The following NCKAP1 variants were observed in gnomAD, a reference collection of about 807,000 sequenced individuals.
NCKAP1 encodes nck-associated protein 1.
A neutral mutation model predicts 151.2 loss-of-function variants in NCKAP1; 21 were observed. The observed-to-expected ratio is 0.14, with a 90% CI of 0.10 to 0.20. The LOEUF is 0.20. Ranked by LOEUF, NCKAP1 falls within the 10% of genes least tolerant of loss-of-function variation. The pLI is 1.00. For missense variants in NCKAP1, 933 were observed against 1,352.1 expected (o/e 0.69, Z 4.86); for synonymous variants, 484 against 451.8 (o/e 1.07, Z -0.90).
intron 16 of NCKAP1, among the ~76,000 whole-genome samples, chr2:182,965,689 C>A (rs1697555939): frequency 6.6e-6 from 1 of 152,060 alleles, no homozygotes; most frequent in South Asian, 2.1e-4. Context: ...CTGAAAATTA[C>A]AAATTTCAAA....
intron 23 of NCKAP1, among the ~76,000 whole-genome samples, chr2:182,946,106 A>G (rs914719861): frequency 6.6e-6 from 1 of 152,282 alleles, no homozygotes; most frequent in South Asian, 2.1e-4. Flanking sequence ...GGAGCTAAAC[A>G]TCAAGTACAC....
intron 2 of NCKAP1, among the ~76,000 whole-genome samples, chr2:183,018,208 T>C (rs1182940004): frequency 1.3e-5 from 2 of 151,962 alleles, no homozygotes; most frequent in African/African-American, 2.4e-5. Flanking sequence ...GATTATGCCA[T>C]TGCACTCCAG....
intron 26 of NCKAP1, among the ~76,000 whole-genome samples, chr2:182,932,046 A>G (rs916298916): frequency 6.6e-6 from 1 of 152,188 alleles, no homozygotes; most frequent in Non-Finnish European, 1.5e-5. Flanking sequence ...GACACACCCA[A>G]TTTGAAAACA....
intron 23 of NCKAP1, chr2:182,947,248 A>T (rs1236464075): frequency 6.6e-6 from 1 of 152,182 alleles, no homozygotes; most frequent in Non-Finnish European, 1.5e-5. Flanking sequence ...TATAACATAA[A>T]CAGGGCTGCA....
chr2:183,034,964 G>T (rs186570339), intron 1 of NCKAP1, among the ~76,000 whole-genome samples: 10 of 152,238 alleles, frequency 6.6e-5, no homozygotes, highest in Non-Finnish European at 1.0e-4. Context: ...AGATTGGAAT[G>T]CAAGTCTCTT....
Position 182,910,045 on chromosome 2 carries a change from T to A in NCKAP1, c.*15657A>T, listed in dbSNP as rs1696362606. Reference sequence around the variant, plus strand: ...GACAGAAAGTTTTATTCTAAGGAGTTCAACCGCTGAGCCCTAGAGTTAAGG... The same window carrying A: ...GACAGAAAGTTTTATTCTAAGGAGTACAACCGCTGAGCCCTAGAGTTAAGG... On this transcript the variant is annotated 3_prime_UTR_variant, in exon 31 of 31. Transcript: ENST00000361354. 6.6e-6 allele frequency: 1 copy of A among 152,186 alleles called. No homozygotes were observed. Among genetic ancestry groups the A allele is most frequent in the Non-Finnish European group, 1.5e-5 (1 of 68,042 alleles). The allele number at this position is 152,186 out of a possible 1,614,324, so 9.4% of individuals were successfully genotyped here.
In NCKAP1 at chr2:182,959,744, C is replaced by T. The variant is rs539487038; in HGVS notation, c.1882-2148G>A. Among the ~76,000 whole-genome samples the T allele has an allele frequency of 3.9e-3, 596 of 152,236 alleles. 6 individuals carry two copies. Among genetic ancestry groups the T allele is most frequent in the Non-Finnish European group, 6.6e-3 (447 of 68,010 alleles). On this transcript the variant is annotated intron_variant, in intron 18 of 30. Coordinates refer to ENST00000361354, the MANE Select transcript of NCKAP1 (RefSeq NM_013436.5). ...TGTTGGAAGTTCTGGCCAGGGCAATCAGGCAGGAGAAGGAAATAAAGCGCA... is the reference window on the plus strand; with the variant it reads ...TGTTGGAAGTTCTGGCCAGGGCAATTAGGCAGGAGAAGGAAATAAAGCGCA...
chr2:183,007,027 C>T (rs1698484900), intron 2 of NCKAP1, among the ~76,000 whole-genome samples: 1 of 152,098 alleles, frequency 6.6e-6, no homozygotes, highest in Non-Finnish European at 1.5e-5. Flanking sequence ...AGGCACCATA[C>T]ATCCAGCTAA....
intron 1 of NCKAP1, among the ~76,000 whole-genome samples, chr2:183,025,335 A>C (rs977746013): frequency 1.3e-5 from 2 of 152,194 alleles, no homozygotes; most frequent in African/African-American, 4.8e-5. Context: ...CATCAGTGAA[A>C]TTTTACATAC....
chr2:182,970,644 A>G (rs1462898541), intron 15 of NCKAP1, among the ~76,000 whole-genome samples: 1 of 152,088 alleles, frequency 6.6e-6, no homozygotes, highest in Non-Finnish European at 1.5e-5. Flanking sequence ...TAGATGATGA[A>G]CCCGCAGCTA....
chr2:182,998,461 C>T (rs1186648747), intron 6 of NCKAP1, among the ~76,000 whole-genome samples: 2 of 152,078 alleles, frequency 1.3e-5, no homozygotes, highest in Non-Finnish European at 1.5e-5. Context: ...TTGGCAAAGT[C>T]TCAGGATACA....
intron 2 of NCKAP1, among the ~76,000 whole-genome samples, chr2:183,007,455 T>G (rs560129158): frequency 6.6e-6 from 1 of 152,286 alleles, no homozygotes; most frequent in South Asian, 2.1e-4. Flanking sequence ...TATTATGTAT[T>G]CTAAATCCTA....
chr2:182,983,031 T>C, intron 11 of NCKAP1, 104 bp from the exon 12 acceptor site: 1 of 853,792 alleles, frequency 1.2e-6, no homozygotes, highest in Non-Finnish European at 1.8e-6. Flanking sequence ...ATAATATCAA[T>C]TCAAAAGAGT....
At chr2:183,031,442 G>T (rs1049065982) in intron 1 of NCKAP1, among the ~76,000 whole-genome samples, 1 of 152,120 alleles carries the variant, frequency 6.6e-6, no homozygotes, top group Non-Finnish European at 1.5e-5. Context: ...GACTACTGTG[G>T]AACACATACT....
chr2:183,026,882 GATA>G (rs1698908300), intron 1 of NCKAP1, among the ~76,000 whole-genome samples: 1 of 152,086 alleles, frequency 6.6e-6, no homozygotes, highest in Non-Finnish European at 1.5e-5. Context: ...CTATAATGAT[GATA>G]ATAATTATCC....
chr2:182,991,115 C>T (rs941410153), intron 8 of NCKAP1, among the ~76,000 whole-genome samples: 29 of 152,274 alleles, frequency 1.9e-4, no homozygotes, highest in Admixed American at 1.6e-3. Context: ...TACGTTAACA[C>T]TTACAAAATA....
Position 182,934,745 on chromosome 2 carries a change from T to C in NCKAP1, c.2859+7A>G. The C allele has an allele frequency of 5.3e-6, 7 of 1,328,402 alleles. No homozygotes were observed. Among genetic ancestry groups the C allele is most frequent in the Non-Finnish European group, 7.4e-6 (7 of 939,904 alleles). The allele number at this position is 1,328,402 out of a possible 1,614,324, so 82.3% of individuals were successfully genotyped here. ...CTGTAAACCCCAACTATAAATTATA[T>C]TATTACCTTCATATCAGTTTCCCTT... On this transcript the variant is annotated splice_region_variant and intron_variant, in intron 26 of 30. Transcript: ENST00000361354.
At chr2:182,944,794 A>G (rs181723755) in intron 23 of NCKAP1, among the ~76,000 whole-genome samples, 1 of 152,350 alleles carries the variant, frequency 6.6e-6, no homozygotes, top group East Asian at 1.9e-4. Flanking sequence ...TAAATATTTT[A>G]AAAATGGAAA....
chr2:183,004,640 T>C (rs573949266), intron 2 of NCKAP1, among the ~76,000 whole-genome samples: 2 of 152,216 alleles, frequency 1.3e-5, no homozygotes, highest in African/African-American at 2.4e-5. Context: ...TCCCAGCACT[T>C]TGGAAGGCCA....
Sources: allele counts gnomAD v4.1 joint callset (sites outside exome capture counted in the v4.1 genomes callset), GRCh38; gene constraint gnomAD v4.1.1; transcripts MANE v1.5; gene names NCBI Gene and HGNC (gene_info 2026-07-23, HGNC 2026-07-21).